Variants in PTPRA observed in about 807,000 individuals in gnomAD.
The protein encoded by PTPRA is protein tyrosine phosphatase receptor type A.
A neutral mutation model predicts 104.8 loss-of-function variants in PTPRA; 25 were observed. The ratio of observed to expected loss-of-function variants is 0.24; its 90% CI spans 0.17 to 0.33. PTPRA has a LOEUF of 0.33. Among genes scored for constraint, PTPRA ranks in the 10% least tolerant of loss-of-function variants. PTPRA has a pLI of 1.00. For synonymous variants in PTPRA, 323 were observed against 368.9 expected, an observed-to-expected ratio of 0.88 and a Z score of 1.43; for missense variants, 765 against 1,015.3, an observed-to-expected ratio of 0.75 and a Z score of 3.35.
intron 1 of PTPRA, among the ~76,000 whole-genome samples, chr20:2,890,369 G>C (rs570673): frequency 0.64 from 97,432 of 151,972 alleles, 32,828 homozygotes; most frequent in East Asian, 0.86. Context: ...GGGCAAAATA[G>C]TTAGCTCTTC....
chr20:2,925,232 G>A (rs755039303), intron 2 of PTPRA, among the ~76,000 whole-genome samples: 14 of 151,930 alleles, frequency 9.2e-5, no homozygotes, highest in Non-Finnish European at 1.5e-4. Flanking sequence ...TCTACCTTCT[G>A]TCTCTATGAA....
intron 1 of PTPRA, among the ~76,000 whole-genome samples, chr20:2,905,215 T>A (rs2059380857): frequency 6.6e-6 from 1 of 152,098 alleles, no homozygotes; most frequent in Admixed American, 6.6e-5. Context: ...CCTCCACCCC[T>A]CCATTTCATA....
At chr20:3,002,971 C>A (rs534937858) in intron 9 of PTPRA, among the ~76,000 whole-genome samples, 37 of 152,266 alleles carry the variant, frequency 2.4e-4, no homozygotes, top group Non-Finnish European at 4.1e-4. Context: ...CCTTCTTCCA[C>A]CTCTGGGTTA....
intron 13 of PTPRA, among the ~76,000 whole-genome samples, chr20:3,018,827 G>A (rs534523618): frequency 1.7e-4 from 20 of 116,048 alleles, no homozygotes; most frequent in African/African-American, 7.1e-4. Flanking sequence ...CTCACCTCCC[G>A]GACAGGGCGG....
intron 9 of PTPRA, among the ~76,000 whole-genome samples, chr20:2,994,058 T>C (rs2063299122): frequency 6.6e-6 from 1 of 152,222 alleles, no homozygotes; most frequent in Non-Finnish European, 1.5e-5. Flanking sequence ...TAGCATATCT[T>C]AGCGACATTC....
chr20:2,938,983 C>G (rs1029036063), intron 2 of PTPRA, among the ~76,000 whole-genome samples: 1 of 152,126 alleles, frequency 6.6e-6, no homozygotes, highest in Non-Finnish European at 1.5e-5. Context: ...GAATATTGTG[C>G]TATGAGATTC....
chr20:2,895,772 A>T (rs1335236715), intron 1 of PTPRA, among the ~76,000 whole-genome samples: 1 of 151,862 alleles, frequency 6.6e-6, no homozygotes, highest in East Asian at 2.0e-4. Flanking sequence ...CAAGTGATCC[A>T]CCTGCCTTGG....
intron 1 of PTPRA, among the ~76,000 whole-genome samples, chr20:2,912,794 C>G (rs990031153): frequency 4.6e-5 from 7 of 152,126 alleles, no homozygotes. Context: ...CACAAAAGTT[C>G]TATTGCAGAA....
the PTPRA span, chr20:2,865,171 C>G: frequency 1.2e-6 from 2 of 1,614,176 alleles, no homozygotes; most frequent in East Asian, 4.5e-5. This position sits in a 1 kb window ranked among gnomAD's most constrained non-coding sequence, Gnocchi z 5.2. Flanking sequence ...AAATGCGGCT[C>G]CTACGGCTGC....
chr20:2,888,685 A>G (rs996995047), intron 1 of PTPRA, among the ~76,000 whole-genome samples: 2 of 152,176 alleles, frequency 1.3e-5, no homozygotes, highest in Non-Finnish European at 2.9e-5. Context: ...TATAGTATAT[A>G]TAGTAAAAGG....
chr20:2,892,444 A>G (rs985350689), intron 1 of PTPRA, among the ~76,000 whole-genome samples: 9 of 152,198 alleles, frequency 5.9e-5, no homozygotes, highest in Admixed American at 1.3e-4. Context: ...CGTATTCAGT[A>G]GAAATTGTAC....
chr20:3,006,617 A>T lies in PTPRA; in HGVS notation c.830-727A>T, dbSNP rs557892819. On this transcript the variant is annotated intron_variant, in intron 10 of 23. Transcript: ENST00000399903. ...ACCAAAAAATTAGGACCACTACACT[A>T]TGCATTTACAGATACTTTTGTCTTT... is the stretch of plus-strand genomic sequence containing the variant. Among the ~76,000 whole-genome samples the T allele has an allele frequency of 3.3e-5, 5 of 152,340 alleles. No homozygotes were observed. The South Asian group carries it at 1.0e-3, about 32-fold the overall frequency.
intron 3 of PTPRA, among the ~76,000 whole-genome samples, chr20:2,949,307 C>CT (rs150488260): frequency 1.4e-3 from 192 of 138,648 alleles, no homozygotes; most frequent in Admixed American, 3.1e-3. Flanking sequence ...TGTAGATTTT[C>CT]TTTTTTTTTT....
At chr20:3,033,456 G>A (rs1035024490) in intron 20 of PTPRA, among the ~76,000 whole-genome samples, 14 of 152,054 alleles carry the variant, frequency 9.2e-5, no homozygotes, top group African/African-American at 2.9e-4. Context: ...CTGCTTGCCC[G>A]TGGGACTGTG....
chr20:2,882,379 TC>T (rs1014872739), intron 1 of PTPRA, among the ~76,000 whole-genome samples: 1 of 151,530 alleles, frequency 6.6e-6, no homozygotes, highest in African/African-American at 2.4e-5. Flanking sequence ...AGCATTGACC[TC>T]CCAGTCTCAA....
At chr20:2,955,685 A>G (rs890568059) in intron 3 of PTPRA, 36 of 984,156 alleles carry the variant, frequency 3.7e-5, no homozygotes, top group African/African-American at 1.9e-4. Flanking sequence ...TTCCTACTCC[A>G]CCCTCCCCTG....
In PTPRA at chr20:3,037,026, G is replaced by C; in HGVS notation, c.2199-128G>C. The C allele has an allele frequency of 1.5e-6, 2 of 1,324,586 alleles. No individual in the cohort carries two copies. Among genetic ancestry groups the C allele is most frequent in the Admixed American group, 2.1e-5 (1 of 47,780 alleles). 82.1% of individuals were successfully genotyped at this position (1,324,586 alleles called of 1,614,324 possible). On this transcript the variant is annotated intron_variant, in intron 22 of 23. Transcript: ENST00000399903. The surrounding 1 kb of genome is among the most constrained non-coding windows in gnomAD (Gnocchi z 4.3). The stretch of plus-strand genomic sequence containing the variant: ...TCCCGACCCAGAACCCCTCCAGGCT[G>C]GTGGGTCCACAGGGCAAAGGCGAGC...
At chr20:2,955,882 CT>C (rs34534876) in intron 3 of PTPRA, among the ~76,000 whole-genome samples, 2 of 152,100 alleles carry the variant, frequency 1.3e-5, no homozygotes, top group East Asian at 1.9e-4. Context: ...GCCATTCTGT[CT>C]TTTTTCCCCC....
intron 1 of PTPRA, among the ~76,000 whole-genome samples, chr20:2,878,065 C>T (rs2089836054): frequency 6.6e-6 from 1 of 152,096 alleles, no homozygotes; most frequent in African/African-American, 2.4e-5. Context: ...GCATGAGAAT[C>T]ACTTGAACCC....
Sources: gnomAD v4.1 joint callset for allele counts (sites outside exome capture counted in the v4.1 genomes callset) on GRCh38, gnomAD v4.1.1 for gene constraint, Gnocchi (gnomAD v3.1) non-coding constraint, MANE v1.5 for transcripts, NCBI Gene and HGNC (gene_info 2026-07-23, HGNC 2026-07-21) for gene names.